SCHIP1: variants seen among roughly 807,000 people sequenced by gnomAD.
SCHIP1 encodes schwannomin-interacting protein 1.
A neutral mutation model predicts 29.7 loss-of-function variants in SCHIP1; 8 were observed. The observed-to-expected ratio is 0.27, with a 90% CI of 0.16 to 0.49. The LOEUF is 0.49. Ranked by LOEUF, SCHIP1 falls within the 20% of genes least tolerant of loss-of-function variation. The pLI, the probability that SCHIP1 is intolerant of heterozygous loss-of-function variation, is 0.99. For missense variants in SCHIP1, 193 were observed against 294.6 expected, an observed-to-expected ratio of 0.66 and a Z score of 2.52; for synonymous variants, 76 against 94.9, an observed-to-expected ratio of 0.80 and a Z score of 1.16.
At chr3:159,527,570 G>A in the SCHIP1 span, among the ~76,000 whole-genome samples, 1 of 152,168 alleles carries the variant, frequency 6.6e-6, no homozygotes, top group Non-Finnish European at 1.5e-5. Flanking sequence ...GCTCTTTGGT[G>A]TACCTATTTT....
chr3:159,783,649 G>A, the SCHIP1 span, among the ~76,000 whole-genome samples: 1 of 152,180 alleles, frequency 6.6e-6, no homozygotes, highest in African/African-American at 2.4e-5. Flanking sequence ...GAGTGGAGTG[G>A]AGAATGGAGC....
the SCHIP1 span, among the ~76,000 whole-genome samples, chr3:159,543,101 A>G: frequency 1.8e-5 from 2 of 111,556 alleles, no homozygotes; most frequent in Non-Finnish European, 3.5e-5. Context: ...ATAAATACAG[A>G]CATATATACA....
At chr3:159,772,181 C>T in the SCHIP1 span, among the ~76,000 whole-genome samples, 7 of 152,278 alleles carry the variant, frequency 4.6e-5, no homozygotes, top group South Asian at 8.3e-4. Flanking sequence ...CAGACAGTCT[C>T]GCTCTGTCGC....
chr3:159,781,621 A>T, the SCHIP1 span, among the ~76,000 whole-genome samples: 1 of 152,224 alleles, frequency 6.6e-6, no homozygotes, highest in East Asian at 1.9e-4. Flanking sequence ...TTGAATGCCC[A>T]CTATGTGTTA....
At chr3:159,550,836 G>A in the SCHIP1 span, among the ~76,000 whole-genome samples, 1 of 152,064 alleles carries the variant, frequency 6.6e-6, no homozygotes, top group Non-Finnish European at 1.5e-5. Flanking sequence ...GACCAGACCA[G>A]TAAATAATGA....
At chr3:159,368,274 G>T in the SCHIP1 span, among the ~76,000 whole-genome samples, 1 of 152,106 alleles carries the variant, frequency 6.6e-6, no homozygotes, top group Non-Finnish European at 1.5e-5. Context: ...ACTGTAAGAT[G>T]CTGCTTCTGT....
the SCHIP1 span, among the ~76,000 whole-genome samples, chr3:159,438,107 A>G: frequency 2.0e-5 from 3 of 152,174 alleles, no homozygotes; most frequent in South Asian, 6.2e-4. Flanking sequence ...CTCATTGTCT[A>G]GATCAGGATT....
the SCHIP1 span, among the ~76,000 whole-genome samples, chr3:159,601,532 G>C: frequency 6.6e-6 from 1 of 152,154 alleles, no homozygotes; most frequent in Admixed American, 6.5e-5. Flanking sequence ...ATGCAGAGGG[G>C]GAGGAGGGGT....
chr3:159,474,146 C>G, the SCHIP1 span, among the ~76,000 whole-genome samples: 461 of 152,202 alleles, frequency 3.0e-3, 2 homozygotes, highest in African/African-American at 0.011. Context: ...GTTTGATGTC[C>G]TAGAGTCCTG....
At chr3:159,839,604 T>TA (rs1453937645), upstream of SCHIP1, among the ~76,000 whole-genome samples, 2 of 148,272 alleles carry the variant, frequency 1.3e-5, no homozygotes, top group Non-Finnish European at 3.0e-5. Context: ...TTAAAAGTTC[T>TA]AAAATTATCT....
chr3:159,486,299 C>T, the SCHIP1 span, among the ~76,000 whole-genome samples: 1 of 152,220 alleles, frequency 6.6e-6, no homozygotes, highest in East Asian at 1.9e-4. Context: ...TCCCCATTTC[C>T]CCCTACCCTC....
the SCHIP1 span, among the ~76,000 whole-genome samples, chr3:159,464,547 A>G: frequency 6.6e-6 from 1 of 152,142 alleles, no homozygotes; most frequent in African/African-American, 2.4e-5. Context: ...TATGGTGATA[A>G]GACCATATTA....
the SCHIP1 span, among the ~76,000 whole-genome samples, chr3:159,384,752 G>T: frequency 1.3e-5 from 2 of 151,912 alleles, no homozygotes; most frequent in South Asian, 4.2e-4. Flanking sequence ...ACTCTTTTTG[G>T]TTGGTAAGCT....
At chr3:159,301,470 T>A in the SCHIP1 span, among the ~76,000 whole-genome samples, 8 of 152,136 alleles carry the variant, frequency 5.3e-5, no homozygotes, top group Admixed American at 1.3e-4. Flanking sequence ...GAAGAGTTTT[T>A]TTAGGAGGTC....
At chr3:159,457,400 T>C in the SCHIP1 span, among the ~76,000 whole-genome samples, 1 of 151,936 alleles carries the variant, frequency 6.6e-6, no homozygotes, top group Non-Finnish European at 1.5e-5. Flanking sequence ...GTTTCTGTTT[T>C]TTTTTTTTAT....
chr3:159,589,464 G>A, the SCHIP1 span, among the ~76,000 whole-genome samples: 1 of 152,066 alleles, frequency 6.6e-6, no homozygotes, highest in Non-Finnish European at 1.5e-5. Flanking sequence ...TCTTTCTCCT[G>A]CCTGATTGCC....
At chr3:159,720,570 CTTG>C in the SCHIP1 span, among the ~76,000 whole-genome samples, 10 of 151,768 alleles carry the variant, frequency 6.6e-5, no homozygotes, top group African/African-American at 2.4e-4. Flanking sequence ...TTATTTTGCT[CTTG>C]TTTTCTTTTT....
chr3:159,277,160 A>T, the SCHIP1 span, among the ~76,000 whole-genome samples: 1 of 151,782 alleles, frequency 6.6e-6, no homozygotes, highest in Non-Finnish European at 1.5e-5. Flanking sequence ...GGAAAAAAAA[A>T]CCCCACTTCT....
the SCHIP1 span, among the ~76,000 whole-genome samples, chr3:159,704,920 CTTTCTTTCTTTCTTTCTTTCCTTT>C: frequency 2.2e-5 from 2 of 90,996 alleles, no homozygotes; most frequent in African/African-American, 1.4e-4. Flanking sequence ...TTCTTTCTTT[CTTTCTTTCTTTCTTTCTTTCCTTT>C]CTTTCTTTCT....
Sources: gnomAD v4.1 joint callset for allele counts (sites outside exome capture counted in the v4.1 genomes callset) on GRCh38, gnomAD v4.1.1 for gene constraint, MANE v1.5 for transcripts, NCBI Gene and HGNC (gene_info 2026-07-23, HGNC 2026-07-21) for gene names.